The following PSPH variants were observed in gnomAD, a reference collection of about 807,000 sequenced individuals.
PSPH encodes L-3-phosphoserine phosphatase.
PSPH carries 16 observed loss-of-function variants against 23.4 expected under a neutral mutation model. The observed-to-expected ratio is 0.68, with a 90% CI of 0.46 to 1.04. The LOEUF is 1.04. Ranked by LOEUF, PSPH falls within the 50% of genes least tolerant of loss-of-function variation. PSPH has a pLI of 0.00. For missense variants in PSPH, 223 were observed against 273.7 expected (o/e 0.81, Z 1.31); for synonymous variants, 68 against 99.7 (o/e 0.68, Z 1.89).
At chr7:56,029,042 T>C (rs1026787814) in intron 3 of PSPH, among the ~76,000 whole-genome samples, 1 of 152,008 alleles carries the variant, frequency 6.6e-6, no homozygotes, top group Non-Finnish European at 1.5e-5. Flanking sequence ...CTCAAACTCC[T>C]GACCTCAAGT....
chr7:56,050,963 G>A (rs1481804672), intron 1 of PSPH, among the ~76,000 whole-genome samples, 175 bp downstream of exon 1: 1 of 152,126 alleles, frequency 6.6e-6, no homozygotes, highest in Non-Finnish European at 1.5e-5. Context: ...AGGATCACTT[G>A]AACTCAGGAG....
At chr7:56,021,756 T>C (rs913513898) in intron 3 of PSPH, among the ~76,000 whole-genome samples, 1 of 150,384 alleles carries the variant, frequency 6.6e-6, no homozygotes, top group African/African-American at 2.4e-5. Context: ...GAGAACATCC[T>C]GGCTAACACA....
At chr7:56,048,674 C>G (rs1214057719) in intron 1 of PSPH, among the ~76,000 whole-genome samples, 3 of 152,066 alleles carry the variant, frequency 2.0e-5, no homozygotes, top group African/African-American at 7.2e-5. Context: ...CACTCTGTCG[C>G]CGAGACTGGG....
chr7:56,031,813 C>A (rs1791034861), intron 3 of PSPH, 116 bp downstream of exon 3: 1 of 153,120 alleles, frequency 6.5e-6, no homozygotes, highest in Non-Finnish European at 1.5e-5. Context: ...GACTCTGTCT[C>A]AAAAAAGAGT....
At chr7:56,028,122 A>ACTGATTTACACATCCCCAG (rs1404653892) in intron 3 of PSPH, among the ~76,000 whole-genome samples, 4 of 151,982 alleles carry the variant, frequency 2.6e-5, no homozygotes. Context: ...AAAAGTGAGA[A>ACTGATTTACACATCCCCAG]CTGATTTACA....
chr7:56,022,085 G>C, intron 3 of PSPH, among the ~76,000 whole-genome samples: 1 of 152,172 alleles, frequency 6.6e-6, no homozygotes, highest in South Asian at 2.1e-4. Context: ...AGCACTTTGG[G>C]AGGCTAAGGC....
At chr7:56,040,666 G>T (rs1064337) in intron 1 of PSPH, among the ~76,000 whole-genome samples, 18 of 151,746 alleles carry the variant, frequency 1.2e-4, no homozygotes, top group Admixed American at 9.9e-4. Context: ...TGGTGGTGAG[G>T]GGGGGAATGA....
chr7:56,047,812 G>A (rs955366578), intron 1 of PSPH, among the ~76,000 whole-genome samples: 5 of 152,046 alleles, frequency 3.3e-5, no homozygotes, highest in South Asian at 2.1e-4. Context: ...GATTACAGGC[G>A]TGCACCACCA....
chr7:56,036,368 AAG>A (rs1181590635), intron 1 of PSPH, among the ~76,000 whole-genome samples: 1 of 152,212 alleles, frequency 6.6e-6, no homozygotes. Context: ...GGAAGGCTAG[AAG>A]AGTTAACTTA....
chr7:56,025,566 C>T (rs1231466589), intron 3 of PSPH, among the ~76,000 whole-genome samples: 1 of 150,842 alleles, frequency 6.6e-6, no homozygotes, highest in Non-Finnish European at 1.5e-5. Flanking sequence ...GTGACACACA[C>T]AATTTATGGC....
chr7:56,019,445 A>G (rs1789011659), intron 5 of PSPH, among the ~76,000 whole-genome samples, 155 bp downstream of exon 5: 1 of 122,732 alleles, frequency 8.1e-6, no homozygotes, highest in Non-Finnish European at 1.6e-5. Flanking sequence ...TCTCGAAAAA[A>G]TACAATTTAA....
intron 1 of PSPH, among the ~76,000 whole-genome samples, chr7:56,048,270 A>T (rs1264184189): frequency 6.9e-6 from 1 of 144,876 alleles, no homozygotes; most frequent in East Asian, 2.0e-4. Context: ...AAAGAGCAAC[A>T]CTCTGTCTTT....
rs1405617699 is a variant in PSPH, at chr7:56,017,110, GA to G, written c.421+123del. The stretch of plus-strand genomic sequence containing the variant: ...CCAAAGGGCAAAAGACATCAATTAA[GA>G]GAACCATTCATCTCAATATTTAACT... On this transcript the variant is annotated intron_variant, in intron 6 of 7. Transcript: ENST00000275605. The G allele has an allele frequency of 2.0e-6, 3 of 1,508,826 alleles. No individual in the cohort carries two copies. In the African/African-American group the frequency reaches 4.2e-5, roughly 21 times the overall value. The allele number at this position is 1,508,826 out of a possible 1,614,324, so 93.5% of individuals were successfully genotyped here.
intron 1 of PSPH, among the ~76,000 whole-genome samples, chr7:56,044,480 G>T (rs541399587): frequency 1.3e-5 from 2 of 152,306 alleles, no homozygotes; most frequent in East Asian, 3.9e-4. Context: ...TGGAATAAAT[G>T]AAGTAGGGTG....
intron 5 of PSPH, among the ~76,000 whole-genome samples, chr7:56,017,856 G>A (rs984559197): frequency 6.6e-6 from 1 of 151,708 alleles, no homozygotes; most frequent in Non-Finnish European, 1.5e-5. Flanking sequence ...CCGAGTAGCT[G>A]GGACAACAGA....
At chr7:56,040,148 C>A (rs1424750495) in intron 1 of PSPH, among the ~76,000 whole-genome samples, 1 of 151,272 alleles carries the variant, frequency 6.6e-6, no homozygotes, top group African/African-American at 2.4e-5. Flanking sequence ...CTTGAAAGAA[C>A]ACAGTGAACA....
intron 3 of PSPH, among the ~76,000 whole-genome samples, chr7:56,025,300 T>C (rs981364367): frequency 1.3e-5 from 2 of 148,884 alleles, no homozygotes; most frequent in African/African-American, 5.0e-5. Flanking sequence ...TATTTTGAGT[T>C]AGGGCCTCAC....
At chr7:56,027,361 G>A (rs1270547818) in intron 3 of PSPH, among the ~76,000 whole-genome samples, 1 of 152,170 alleles carries the variant, frequency 6.6e-6, no homozygotes, top group Non-Finnish European at 1.5e-5. Context: ...ATAATGCATG[G>A]GTGCCATCTT....
intron 1 of PSPH, among the ~76,000 whole-genome samples, chr7:56,049,731 C>T (rs1400131089): frequency 1.3e-5 from 2 of 150,438 alleles, no homozygotes; most frequent in Non-Finnish European, 2.9e-5. Context: ...AATCACTGTA[C>T]CTGGCCTTTA....
Sources: gnomAD v4.1 joint callset for allele counts (sites outside exome capture counted in the v4.1 genomes callset) on GRCh38, gnomAD v4.1.1 for gene constraint, MANE v1.5 for transcripts, NCBI Gene and HGNC (gene_info 2026-07-23, HGNC 2026-07-21) for gene names.